Variants in GLI3 observed in about 807,000 individuals in gnomAD.
GLI3 encodes the protein transcription activator GLI3.
In GLI3, 20 loss-of-function variants were observed where a neutral mutation model predicts 100.8. That is an observed-to-expected ratio of 0.20 (90% CI 0.14 to 0.29). The LOEUF (loss-of-function observed/expected upper bound fraction) is 0.29, where lower values mean the gene tolerates loss of function less well. GLI3 is among the 10% of genes least tolerant of loss of function. The pLI is 1.00. For missense variants in GLI3, 2,040 were observed against 2,128.5 expected (o/e 0.96, Z 0.82); for synonymous variants, 938 against 860.5 (o/e 1.09, Z -1.58).
chr7:42,045,633 C>A, intron 5 of GLI3, 103 bp from the exon 6 acceptor site: 2 of 968,024 alleles, frequency 2.1e-6, no homozygotes, highest in Non-Finnish European at 3.2e-6. Flanking sequence ...ATCAGCAATT[C>A]CTTTTATGGC....
At chr7:42,119,870 T>C (rs1415886783) in intron 3 of GLI3, among the ~76,000 whole-genome samples, 1 of 152,128 alleles carries the variant, frequency 6.6e-6, no homozygotes, top group Non-Finnish European at 1.5e-5. Flanking sequence ...CCCTGTTTGG[T>C]TCCCAGTGTG....
intron 2 of GLI3, among the ~76,000 whole-genome samples, chr7:42,154,361 T>C (rs1449330969): frequency 6.6e-6 from 1 of 152,136 alleles, no homozygotes; most frequent in Non-Finnish European, 1.5e-5. Flanking sequence ...AGGGGCTTTG[T>C]GTGTTCCAGG....
intron 2 of GLI3, chr7:42,222,882 T>C (rs1312956064): frequency 2.2e-6 from 1 of 453,482 alleles, no homozygotes. Flanking sequence ...GAACTTCTGA[T>C]AATAAATAAC....
At chr7:42,085,954 G>C (rs1785093975) in intron 3 of GLI3, among the ~76,000 whole-genome samples, 1 of 152,140 alleles carries the variant, frequency 6.6e-6, no homozygotes, top group African/African-American at 2.4e-5. Flanking sequence ...AGAAATGAAT[G>C]AGGCACATTC....
In GLI3 at chr7:41,965,209, C is replaced by G. The variant is rs369272004; in HGVS notation, c.3864G>C (p.Gly1288=). The stretch of plus-strand genomic sequence containing the variant: ...GGCCGAAATTCAGCTGGCCCCCGCT[C>G]CCTTGCATGGGGGTGCTCTTCAGCT... The part of the protein sequence containing the change: ...ASKLKSTPMQ[G]SGGQLNFGLP... Residue 1288 remains glycine (G), a synonymous_variant, in exon 15 of 15, where the codon GGG becomes GGC. Transcript: ENST00000395925. The G allele has an allele frequency of 1.2e-6, 2 of 1,613,928 alleles. No individual in the cohort carries two copies. The highest frequency in any genetic ancestry group is 1.7e-6 in the Non-Finnish European group (2 of 1,180,034).
chr7:42,216,893 A>G (rs543692159), intron 2 of GLI3, among the ~76,000 whole-genome samples: 111 of 152,336 alleles, frequency 7.3e-4, no homozygotes, highest in African/African-American at 2.2e-3. Flanking sequence ...TTCTGAACAT[A>G]TCAGATTGGA....
chr7:42,164,096 G>T (rs1333891474), intron 2 of GLI3, among the ~76,000 whole-genome samples: 1 of 152,046 alleles, frequency 6.6e-6, no homozygotes, highest in Non-Finnish European at 1.5e-5. Flanking sequence ...AAAAACACAG[G>T]TTCTAATTTA....
chr7:41,978,806 G>A, intron 10 of GLI3, 58 bp from the exon 11 acceptor site: 1 of 1,520,934 alleles, frequency 6.6e-7, no homozygotes, highest in East Asian at 2.3e-5. Flanking sequence ...ATTTCTGAAG[G>A]CGACAGAAGA....
intron 3 of GLI3, among the ~76,000 whole-genome samples, chr7:42,112,379 T>C (rs988821818): frequency 1.3e-5 from 2 of 152,124 alleles, no homozygotes; most frequent in South Asian, 2.1e-4. Flanking sequence ...AAAACACAGC[T>C]AGATAGAATG....
chr7:42,111,667 G>C (rs554774079), intron 3 of GLI3, among the ~76,000 whole-genome samples: 1 of 152,204 alleles, frequency 6.6e-6, no homozygotes. Flanking sequence ...ACAGCAACAA[G>C]AAATAAAGTT....
At chr7:42,027,547 CA>C (rs1789154908) in intron 7 of GLI3, among the ~76,000 whole-genome samples, 1 of 152,132 alleles carries the variant, frequency 6.6e-6, no homozygotes, top group African/African-American at 2.4e-5. Context: ...TAGCAAAATT[CA>C]AACCATTTCA....
At chr7:42,064,903 C>G (rs576436160) in intron 4 of GLI3, among the ~76,000 whole-genome samples, 1 of 152,116 alleles carries the variant, frequency 6.6e-6, no homozygotes, top group African/African-American at 2.4e-5. Context: ...CTCACAATAA[C>G]GTCTGTGCTC....
chr7:42,008,385 A>G (rs1482737553), intron 10 of GLI3, among the ~76,000 whole-genome samples: 3 of 152,212 alleles, frequency 2.0e-5, no homozygotes, highest in East Asian at 1.9e-4. Context: ...GAAAGCAGTT[A>G]TCATGTCCCT....
intron 2 of GLI3, among the ~76,000 whole-genome samples, chr7:42,182,723 C>CATAT (rs1562776017): frequency 8.9e-6 from 1 of 112,094 alleles, no homozygotes; most frequent in Non-Finnish European, 1.7e-5. Flanking sequence ...TAAATACACA[C>CATAT]ACACACACAC....
intron 1 of GLI3, among the ~76,000 whole-genome samples, chr7:42,252,713 G>T (rs561012073): frequency 3.7e-4 from 56 of 152,224 alleles, no homozygotes; most frequent in African/African-American, 1.3e-3. Flanking sequence ...GTATATGAAA[G>T]TTCTAAATGA....
At chr7:42,126,331 C>T (rs1275845055) in intron 3 of GLI3, among the ~76,000 whole-genome samples, 5 of 152,178 alleles carry the variant, frequency 3.3e-5, no homozygotes, top group South Asian at 2.1e-4. Context: ...GCTTTAACAA[C>T]GCTCACCTAT....
Position 41,973,652 on chromosome 7 carries a change from C to T in GLI3, c.1813-1025G>A, listed in dbSNP as rs375953669. ...GAGGATGAGCTTTTACGTAAGCAAG[C>T]GTCATGAAAAGCAGGATTACTATAA... On this transcript the variant is annotated intron_variant, in intron 12 of 14. Coordinates refer to ENST00000395925, the MANE Select transcript of GLI3 (RefSeq NM_000168.6). Among the ~76,000 whole-genome samples the T allele has an allele frequency of 2.1e-4, 32 of 152,124 alleles. No individual in the cohort carries two copies. In the South Asian group the frequency reaches 6.0e-3, roughly 29 times the overall value.
intron 2 of GLI3, among the ~76,000 whole-genome samples, chr7:42,195,910 G>A (rs561173729): frequency 6.6e-6 from 1 of 152,328 alleles, no homozygotes; most frequent in South Asian, 2.1e-4. Flanking sequence ...CAGTTTCTAT[G>A]TATCTTGGCT....
chr7:42,092,525 C>T (rs1215986342), intron 3 of GLI3, among the ~76,000 whole-genome samples: 2 of 152,130 alleles, frequency 1.3e-5, no homozygotes, highest in African/African-American at 2.4e-5. Context: ...TGGGGGCTGA[C>T]CATGAGCAGG....
Sources: gnomAD v4.1 joint callset for allele counts (sites outside exome capture counted in the v4.1 genomes callset) on GRCh38, gnomAD v4.1.1 for gene constraint, MANE v1.5 for transcripts, NCBI Gene and HGNC (gene_info 2026-07-23, HGNC 2026-07-21) for gene names.